UNC5D: variants seen among roughly 807,000 people sequenced by gnomAD.
UNC5D encodes the protein netrin receptor UNC5D.
In UNC5D, 39 loss-of-function variants were observed where a neutral mutation model predicts 105.4. The ratio of observed to expected loss-of-function variants is 0.37; its 90% CI spans 0.29 to 0.48. The LOEUF (loss-of-function observed/expected upper bound fraction) is 0.48. Ranked by LOEUF, UNC5D falls within the 20% of genes least tolerant of loss-of-function variation. The pLI is 0.98. For synonymous variants in UNC5D, 452 were observed against 450.4 expected (o/e 1.00, Z -0.04); for missense variants, 991 against 1,202.4 (o/e 0.82, Z 2.60).
chr8:35,777,591 G>C (rs369586762), intron 16 of UNC5D, among the ~76,000 whole-genome samples: 21 of 152,126 alleles, frequency 1.4e-4, no homozygotes, highest in African/African-American at 4.6e-4. Flanking sequence ...GACCAGACAG[G>C]AAAGAGTTTA....
intron 16 of UNC5D, among the ~76,000 whole-genome samples, chr8:35,788,689 AACACAC>A (rs112188484): frequency 6.6e-6 from 1 of 151,184 alleles, no homozygotes; most frequent in East Asian, 1.9e-4. Context: ...GAAGGCAGAA[AACACAC>A]ACACGCACAC....
intron 1 of UNC5D, among the ~76,000 whole-genome samples, chr8:35,529,294 A>T (rs1317940565): frequency 1.1e-5 from 1 of 87,110 alleles, no homozygotes; most frequent in Non-Finnish European, 2.0e-5. Context: ...AGCACCATTT[A>T]TTAAATAGGG....
intron 1 of UNC5D, among the ~76,000 whole-genome samples, chr8:35,419,219 C>T (rs898582190): frequency 1.3e-5 from 2 of 152,162 alleles, no homozygotes; most frequent in African/African-American, 4.8e-5. Flanking sequence ...ATCTTTGTGA[C>T]CAGCTAATTG....
intron 1 of UNC5D, among the ~76,000 whole-genome samples, chr8:35,266,414 T>C (rs909330536): frequency 6.6e-6 from 1 of 152,244 alleles, no homozygotes; most frequent in African/African-American, 2.4e-5. Flanking sequence ...AAGGAACAGG[T>C]ATTAGAACAA....
intron 4 of UNC5D, among the ~76,000 whole-genome samples, chr8:35,670,073 A>G (rs1824678789): frequency 6.6e-6 from 1 of 152,162 alleles, no homozygotes; most frequent in Non-Finnish European, 1.5e-5. Flanking sequence ...ACAACACTGA[A>G]TGTTTCAATA....
At chr8:35,351,074 G>T (rs1332997066) in intron 1 of UNC5D, among the ~76,000 whole-genome samples, 1 of 152,048 alleles carries the variant, frequency 6.6e-6, no homozygotes, top group Admixed American at 6.6e-5. Flanking sequence ...GTGAGAGAGA[G>T]TTGGTAATTA....
At chr8:35,610,976 GT>G (rs1820638155) in intron 4 of UNC5D, among the ~76,000 whole-genome samples, 1 of 84,888 alleles carries the variant, frequency 1.2e-5, no homozygotes, top group East Asian at 3.8e-4. Flanking sequence ...GAGAAAAAAT[GT>G]TTTCTTTGTA....
At chr8:35,339,220 G>A (rs1383615885) in intron 1 of UNC5D, among the ~76,000 whole-genome samples, 1 of 152,014 alleles carries the variant, frequency 6.6e-6, no homozygotes, top group Non-Finnish European at 1.5e-5. Flanking sequence ...CTAATTGAGT[G>A]GTTAATGGTA....
chr8:35,546,659 C>T lies in UNC5D; in HGVS notation c.104-2633C>T, dbSNP rs575323261. 3.7e-4 allele frequency among the ~76,000 whole-genome samples: 56 copies of T among 152,274 alleles called. No homozygotes were observed. In the South Asian group the frequency reaches 6.4e-3, roughly 17 times the overall value. ...ATATAAAATCTTTTAATACTTTTGTCATTTCCTCTAACATATGGATTTACA... is the reference window on the plus strand; with the variant it reads ...ATATAAAATCTTTTAATACTTTTGTTATTTCCTCTAACATATGGATTTACA... On this transcript the variant is annotated intron_variant, in intron 1 of 16. Transcript: ENST00000404895.
intron 1 of UNC5D, among the ~76,000 whole-genome samples, chr8:35,447,396 G>C (rs1807870400): frequency 6.6e-6 from 1 of 152,172 alleles, no homozygotes; most frequent in African/African-American, 2.4e-5. Context: ...CAGAGGTTCT[G>C]ATTATAAAAT....
At chr8:35,369,160 G>T (rs891494024) in intron 1 of UNC5D, among the ~76,000 whole-genome samples, 6 of 152,082 alleles carry the variant, frequency 3.9e-5, no homozygotes, top group African/African-American at 1.2e-4. Flanking sequence ...AACAGTGTTG[G>T]TGGTGAGTAT....
At chr8:35,491,998 T>A (rs1811241016) in intron 1 of UNC5D, among the ~76,000 whole-genome samples, 1 of 152,156 alleles carries the variant, frequency 6.6e-6, no homozygotes, top group African/African-American at 2.4e-5. Context: ...TTTTGAAAGG[T>A]GGCTTTGCAT....
intron 1 of UNC5D, among the ~76,000 whole-genome samples, chr8:35,546,385 T>A (rs2130666946): frequency 6.6e-6 from 1 of 152,352 alleles, no homozygotes; most frequent in East Asian, 1.9e-4. Flanking sequence ...GTTGAATGGT[T>A]AAAACTTGAT....
chr8:35,519,019 A>G (rs903084733), intron 1 of UNC5D, among the ~76,000 whole-genome samples: 1 of 152,158 alleles, frequency 6.6e-6, no homozygotes, highest in Admixed American at 6.5e-5. Flanking sequence ...TTTCTCCAGA[A>G]GTAATGAAGA....
rs1208677493 is a variant in UNC5D, at chr8:35,591,073, T to G, written c.467-4481T>G. Among the ~76,000 whole-genome samples, 6 of 152,174 alleles carry G rather than the reference T, an allele frequency of 3.9e-5. No individual in the cohort carries two copies. The South Asian group carries it at 1.0e-3, about 26-fold the overall frequency. On this transcript the variant is annotated intron_variant, in intron 3 of 16. Coordinates refer to ENST00000404895, the MANE Select transcript of UNC5D (RefSeq NM_080872.4). ...TTTAAAACCGACAACTTCCAAATACTGAAATTATTGCATTGAGTTGTTTTT... is the reference window on the plus strand; with the variant it reads ...TTTAAAACCGACAACTTCCAAATACGGAAATTATTGCATTGAGTTGTTTTT...
rs1005483918 is a variant in UNC5D at position 35,735,542 on chromosome 8, T to C, written c.1766+4446T>C. 5.3e-5 allele frequency among the ~76,000 whole-genome samples: 8 copies of C among 152,178 alleles called. No homozygotes were observed. The East Asian group carries it at 1.2e-3, about 22-fold the overall frequency. Reference sequence around the variant, plus strand: ...CAGTAAGTACATTTTGGGGTAAGGATTGAGAAGGTAGAGGTGGTGGTAATA... The same window carrying C: ...CAGTAAGTACATTTTGGGGTAAGGACTGAGAAGGTAGAGGTGGTGGTAATA... On this transcript the variant is annotated intron_variant, in intron 11 of 16. Coordinates refer to ENST00000404895, the MANE Select transcript of UNC5D (RefSeq NM_080872.4).
intron 16 of UNC5D, among the ~76,000 whole-genome samples, chr8:35,774,704 G>A (rs1458356271): frequency 6.6e-6 from 1 of 152,120 alleles, no homozygotes; most frequent in African/African-American, 2.4e-5. Flanking sequence ...GGCCGAGGCA[G>A]GCAAATGGCT....
chr8:35,465,258 G>T (rs1407009630), intron 1 of UNC5D, among the ~76,000 whole-genome samples: 1 of 152,156 alleles, frequency 6.6e-6, no homozygotes, highest in East Asian at 1.9e-4. Flanking sequence ...CAGTTGTGGT[G>T]GCATGCACCT....
chr8:35,303,234 A>G (rs2128872135), intron 1 of UNC5D, among the ~76,000 whole-genome samples: 1 of 152,306 alleles, frequency 6.6e-6, no homozygotes, highest in East Asian at 1.9e-4. Context: ...TTACAATTTT[A>G]TAAAATGTTT....
Sources: gnomAD v4.1 joint callset for allele counts (sites outside exome capture counted in the v4.1 genomes callset) on GRCh38, gnomAD v4.1.1 for gene constraint, MANE v1.5 for transcripts, NCBI Gene and HGNC (gene_info 2026-07-23, HGNC 2026-07-21) for gene names.